LRMDA: variants seen among roughly 807,000 people sequenced by gnomAD.
The protein encoded by LRMDA is leucine rich melanocyte differentiation associated.
A neutral mutation model predicts 29.8 loss-of-function variants in LRMDA; 18 were observed. The observed-to-expected ratio is 0.60, with a 90% confidence interval of 0.42 to 0.90. LRMDA has a LOEUF of 0.90. Ranked by LOEUF, LRMDA falls within the 40% of genes least tolerant of loss-of-function variation. The pLI is 0.00. For synonymous variants in LRMDA, 125 were observed against 109.4 expected (o/e 1.14, Z -0.89); for missense variants, 273 against 273.9 (o/e 1.00, Z 0.02).
intron 5 of LRMDA, among the ~76,000 whole-genome samples, chr10:76,219,191 A>G (rs1851782732): frequency 6.6e-6 from 1 of 152,226 alleles, no homozygotes; most frequent in African/African-American, 2.4e-5. Flanking sequence ...CGAGGCTAGG[A>G]AGAAACTGCA....
At chr10:76,408,067 A>C (rs1589169794) in intron 6 of LRMDA, among the ~76,000 whole-genome samples, 1 of 152,328 alleles carries the variant, frequency 6.6e-6, no homozygotes, top group East Asian at 1.9e-4. Context: ...ACTAACACTT[A>C]CTGCTTTTTA....
intron 2 of LRMDA, among the ~76,000 whole-genome samples, chr10:75,543,797 C>T (rs549502064): frequency 2.7e-4 from 41 of 152,150 alleles, no homozygotes; most frequent in Non-Finnish European, 5.1e-4. Flanking sequence ...TCCCTTCTCC[C>T]CTTACTCCTT....
intron 6 of LRMDA, among the ~76,000 whole-genome samples, chr10:76,340,471 G>A (rs369230786): frequency 9.4e-5 from 12 of 127,834 alleles, no homozygotes; most frequent in Admixed American, 3.8e-4. Flanking sequence ...AGCCAAGATC[G>A]TGTCACTGCA....
chr10:75,965,714 A>C (rs937587467), intron 2 of LRMDA, among the ~76,000 whole-genome samples: 2 of 152,144 alleles, frequency 1.3e-5, no homozygotes, highest in Non-Finnish European at 2.9e-5. Context: ...TGACTTCTCT[A>C]AAAATATTTA....
intron 2 of LRMDA, among the ~76,000 whole-genome samples, chr10:75,595,703 T>C (rs1019084067): frequency 6.6e-6 from 1 of 151,600 alleles, no homozygotes; most frequent in African/African-American, 2.4e-5. Context: ...TATATGCTTT[T>C]AAATTAATAT....
At chr10:76,478,265 G>C (rs1395057594) in intron 6 of LRMDA, among the ~76,000 whole-genome samples, 3 of 152,112 alleles carry the variant, frequency 2.0e-5, no homozygotes, top group Admixed American at 6.5e-5. Flanking sequence ...CTCAAAAGAA[G>C]ACATTTATGC....
At chr10:75,770,385 A>G (rs1843223784) in intron 2 of LRMDA, among the ~76,000 whole-genome samples, 1 of 152,220 alleles carries the variant, frequency 6.6e-6, no homozygotes, top group Non-Finnish European at 1.5e-5. Context: ...AATACTACTG[A>G]ACTGCATACT....
chr10:76,059,196 G>T (rs2132055288), intron 5 of LRMDA, among the ~76,000 whole-genome samples: 1 of 152,272 alleles, frequency 6.6e-6, no homozygotes, highest in Non-Finnish European at 1.5e-5. Context: ...AGGGAAGAGT[G>T]ATTTTCTTCC....
At chr10:75,517,091 T>C (rs921206879) in intron 2 of LRMDA, among the ~76,000 whole-genome samples, 1 of 152,154 alleles carries the variant, frequency 6.6e-6, no homozygotes, top group South Asian at 2.1e-4. Context: ...CATGCTGTTT[T>C]GGTTACTATA....
chr10:75,697,850 T>TGTGTGTGTGTGC (rs10664076), intron 2 of LRMDA, among the ~76,000 whole-genome samples: 2,586 of 151,680 alleles, frequency 0.017, 80 homozygotes, highest in African/African-American at 0.059. Context: ...TGTGTGTGTG[T>TGTGTGTGTGTGC]GCGTGTGTGT....
chr10:76,319,836 A>AG (rs1257948695), intron 5 of LRMDA, among the ~76,000 whole-genome samples: 4 of 152,122 alleles, frequency 2.6e-5, no homozygotes, highest in Admixed American at 6.5e-5. Context: ...GCTCCACTTG[A>AG]GCTGAGTGAT....
chr10:75,661,911 A>T (rs1440550833), intron 2 of LRMDA, among the ~76,000 whole-genome samples: 1 of 152,190 alleles, frequency 6.6e-6, no homozygotes, highest in Admixed American at 6.5e-5. Flanking sequence ...CTTGGGTTTC[A>T]TAAGGCTGTT....
intron 2 of LRMDA, among the ~76,000 whole-genome samples, chr10:75,598,837 G>A (rs145519357): frequency 7.2e-4 from 109 of 152,230 alleles, no homozygotes; most frequent in Middle Eastern, 3.4e-3. Context: ...AGACATGAAG[G>A]GCCTTACTTT....
At chr10:76,158,134 A>G (rs974033360) in intron 5 of LRMDA, among the ~76,000 whole-genome samples, 2 of 152,152 alleles carry the variant, frequency 1.3e-5, no homozygotes, top group African/African-American at 4.8e-5. Context: ...CCTCAGAGCC[A>G]TCATAGACTA....
intron 6 of LRMDA, among the ~76,000 whole-genome samples, chr10:76,477,634 C>T (rs1481223862): frequency 1.3e-5 from 2 of 152,170 alleles, no homozygotes; most frequent in Non-Finnish European, 2.9e-5. Context: ...AGGCATCACA[C>T]TACCTGACTT....
intron 2 of LRMDA, among the ~76,000 whole-genome samples, chr10:75,891,923 A>T (rs979634946): frequency 6.6e-6 from 1 of 152,186 alleles, no homozygotes; most frequent in Non-Finnish European, 1.5e-5. Context: ...TCAAGAAGGT[A>T]ACTGAATTGA....
intron 2 of LRMDA, among the ~76,000 whole-genome samples, chr10:75,538,516 C>A (rs1839979563): frequency 6.6e-6 from 1 of 152,134 alleles, no homozygotes; most frequent in African/African-American, 2.4e-5. Flanking sequence ...CTGTTCAAAT[C>A]ATAGGGAAAG....
intron 6 of LRMDA, among the ~76,000 whole-genome samples, chr10:76,419,807 T>C (rs2132519047): frequency 6.6e-6 from 1 of 152,250 alleles, no homozygotes; most frequent in Middle Eastern, 3.4e-3. Flanking sequence ...TTAAGTGTTT[T>C]GTATATTTTC....
In LRMDA at chr10:76,516,795, A is replaced by G. The variant is rs894292445; in HGVS notation, c.602-40414A>G. On this transcript the variant is annotated intron_variant, in intron 6 of 6. Transcript: ENST00000611255. ...CTTTGCTATTGCGAATAGTGCCACA[A>G]TAAACATACGTGTGCATGTGTCTTT... is the stretch of plus-strand genomic sequence containing the variant. 2.6e-5 allele frequency among the ~76,000 whole-genome samples: 4 copies of G among 152,224 alleles called. No individual in the cohort carries two copies. In the South Asian group the frequency reaches 6.2e-4, roughly 24 times the overall value.
Sources: gnomAD v4.1 joint callset for allele counts (sites outside exome capture counted in the v4.1 genomes callset) on GRCh38, gnomAD v4.1.1 for gene constraint, MANE v1.5 for transcripts, NCBI Gene and HGNC (gene_info 2026-07-23, HGNC 2026-07-21) for gene names.